Variants in CAST observed in about 807,000 individuals in gnomAD.
CAST encodes MIR583 host.
In CAST, 76 loss-of-function variants were observed where a neutral mutation model predicts 119.6. The observed-to-expected ratio is 0.64, with a 90% CI of 0.53 to 0.77. The LOEUF is 0.77. Among genes scored for constraint, CAST ranks in the 30% least tolerant of loss-of-function variants. CAST has a pLI of 0.00. For missense variants in CAST, 953 were observed against 946.5 expected, an observed-to-expected ratio of 1.01 and a Z score of -0.09; for synonymous variants, 319 against 331.6, an observed-to-expected ratio of 0.96 and a Z score of 0.41.
chr5:96,088,890 G>T, the CAST span, among the ~76,000 whole-genome samples: 1 of 152,090 alleles, frequency 6.6e-6, no homozygotes, highest in African/African-American at 2.4e-5. Context: ...GGCTGGTGGG[G>T]TTGCTGGGAT....
intron 1 of CAST, among the ~76,000 whole-genome samples, chr5:96,551,679 G>A (rs548015702): frequency 1.2e-3 from 178 of 151,812 alleles, no homozygotes; most frequent in Non-Finnish European, 2.2e-3. Context: ...GACCTATCTC[G>A]CATGCAAAGA....
chr5:96,201,615 G>C, the CAST span, among the ~76,000 whole-genome samples: 1 of 151,588 alleles, frequency 6.6e-6, no homozygotes, highest in Non-Finnish European at 1.5e-5. Flanking sequence ...TTTCCCTATG[G>C]GACCACCTAG....
intron 1 of CAST, among the ~76,000 whole-genome samples, chr5:96,616,195 C>G (rs947630695): frequency 2.0e-5 from 3 of 152,212 alleles, no homozygotes; most frequent in African/African-American, 7.2e-5. Flanking sequence ...TACTTTGCAT[C>G]CTTCAATCCA....
chr5:96,308,245 G>A, the CAST span, among the ~76,000 whole-genome samples: 7 of 150,970 alleles, frequency 4.6e-5, no homozygotes, highest in South Asian at 6.3e-4. Flanking sequence ...TGGTCAATTC[G>A]GCTATTGATA....
At chr5:96,154,290 C>CA in the CAST span, among the ~76,000 whole-genome samples, 939 of 133,022 alleles carry the variant, frequency 7.1e-3, 5 homozygotes, top group African/African-American at 0.015. Flanking sequence ...AAAACAACAA[C>CA]AAAAAAAAAA....
At chr5:96,670,435 T>A (rs1422836115) in intron 1 of CAST, among the ~76,000 whole-genome samples, 1 of 152,194 alleles carries the variant, frequency 6.6e-6, no homozygotes, top group Non-Finnish European at 1.5e-5. Flanking sequence ...CAGCTGGACT[T>A]AATGCTGGCA....
chr5:96,554,864 C>T (rs747415275), intron 1 of CAST, among the ~76,000 whole-genome samples: 1 of 152,176 alleles, frequency 6.6e-6, no homozygotes, highest in Non-Finnish European at 1.5e-5. Context: ...TACCATCTCA[C>T]AGCAGTTAGA....
chr5:96,021,344 G>A, the CAST span, among the ~76,000 whole-genome samples: 1 of 152,070 alleles, frequency 6.6e-6, no homozygotes, highest in African/African-American at 2.4e-5. Flanking sequence ...CCAGTATTTA[G>A]GATTCTAAAA....
At chr5:96,524,036 G>C (rs1745560382), upstream of CAST, among the ~76,000 whole-genome samples, 1 of 152,234 alleles carries the variant, frequency 6.6e-6, no homozygotes, top group South Asian at 2.1e-4. Flanking sequence ...TCTGCAAGAA[G>C]ATACAGGTTT....
At chr5:96,165,102 C>T in the CAST span, among the ~76,000 whole-genome samples, 2 of 151,840 alleles carry the variant, frequency 1.3e-5, no homozygotes, top group Non-Finnish European at 2.9e-5. Context: ...CCTCCGAGAG[C>T]GGTCAGATAA....
intron 1 of CAST, among the ~76,000 whole-genome samples, chr5:96,625,288 G>C (rs1747700098): frequency 6.6e-6 from 1 of 150,470 alleles, no homozygotes; most frequent in South Asian, 2.1e-4. Flanking sequence ...CCCTCTCTCT[G>C]TCTCTCTCTC....
chr5:96,177,831 T>G, the CAST span, among the ~76,000 whole-genome samples: 1 of 152,238 alleles, frequency 6.6e-6, no homozygotes, highest in Non-Finnish European at 1.5e-5. Flanking sequence ...CAACTCACTC[T>G]GGTCCGTTTG....
intron 24 of CAST, 33 bp downstream of exon 24, chr5:96,757,687 G>GTTTT: frequency 4.3e-4 from 472 of 1,095,920 alleles, no homozygotes; most frequent in Admixed American, 5.0e-4. Context: ...TATTTCTTTA[G>GTTTT]TTTTTTTTTT....
chr5:96,312,111 T>A, the CAST span, among the ~76,000 whole-genome samples: 1 of 152,108 alleles, frequency 6.6e-6, no homozygotes, highest in South Asian at 2.1e-4. Flanking sequence ...CTGGTTACCA[T>A]GAGGCTTACA....
chr5:96,751,732 C>G (rs979858257), intron 20 of CAST, among the ~76,000 whole-genome samples: 3 of 152,192 alleles, frequency 2.0e-5, no homozygotes, highest in Admixed American at 6.5e-5. Context: ...CAGTAGAACT[C>G]TTGTAACCAA....
At chr5:96,765,787 ATTAT>A (rs1202860221) in intron 26 of CAST, among the ~76,000 whole-genome samples, 7 of 150,298 alleles carry the variant, frequency 4.7e-5, no homozygotes, top group African/African-American at 1.5e-4. Context: ...TCTGAAGATA[ATTAT>A]TTAATCATTT....
At chr5:95,984,703 G>C in the CAST span, among the ~76,000 whole-genome samples, 2 of 152,080 alleles carry the variant, frequency 1.3e-5, no homozygotes, top group Admixed American at 6.6e-5. Context: ...AGTGTCTTTG[G>C]AACAATGTCC....
At chr5:96,198,173 G>C in the CAST span, among the ~76,000 whole-genome samples, 1 of 152,142 alleles carries the variant, frequency 6.6e-6, no homozygotes, top group Non-Finnish European at 1.5e-5. Context: ...GGGCTGATGA[G>C]AGACTGGTCA....
the CAST span, among the ~76,000 whole-genome samples, chr5:96,162,400 G>A: frequency 2.0e-5 from 3 of 151,918 alleles, no homozygotes; most frequent in Non-Finnish European, 2.9e-5. Flanking sequence ...CTACTAGCAC[G>A]GGATGGTATA....
Sources: allele counts gnomAD v4.1 joint callset (sites outside exome capture counted in the v4.1 genomes callset), GRCh38; gene constraint gnomAD v4.1.1; transcripts MANE v1.5; gene names NCBI Gene and HGNC (gene_info 2026-07-23, HGNC 2026-07-21).